Variants in PTBP2 observed in about 807,000 individuals in gnomAD.
PTBP2 encodes polypyrimidine tract binding protein 2, also known as polypyrimidine tract-binding protein 2.
Under a neutral mutation model 61.4 loss-of-function variants are expected in PTBP2, and 13 were observed. That is an observed-to-expected ratio of 0.21 (90% CI 0.14 to 0.34). The LOEUF is 0.34. PTBP2 is among the 10% of genes least tolerant of loss of function. PTBP2 has a pLI of 1.00. For missense variants in PTBP2, 405 were observed against 642.6 expected, an observed-to-expected ratio of 0.63 and a Z score of 4.00; for synonymous variants, 215 against 218.5, an observed-to-expected ratio of 0.98 and a Z score of 0.14.
chr1:96,776,600 A>T (rs1043320357), intron 5 of PTBP2, among the ~76,000 whole-genome samples: 1 of 151,856 alleles, frequency 6.6e-6, no homozygotes, highest in Admixed American at 6.6e-5. Flanking sequence ...GATTTTTCAA[A>T]CTGTAAACCT....
Position 96,806,858 on chromosome 1 carries a change from C to A in PTBP2, c.1079-8C>A. 6.2e-7 allele frequency: 1 copy of A among 1,603,842 alleles called. No homozygotes were observed. On this transcript the variant is annotated splice_region_variant and splice_polypyrimidine_tract_variant and intron_variant, in intron 10 of 13. Coordinates refer to ENST00000674951, the MANE Select transcript of PTBP2 (RefSeq NM_021190.4). ...TTTTTGGATTACCTCTCTGTGGCTC[C>A]AAAAAAGGTGTTTATGGAGATGTGC...
At chr1:96,786,135 A>G (rs1659177496) in intron 8 of PTBP2, among the ~76,000 whole-genome samples, 1 of 152,182 alleles carries the variant, frequency 6.6e-6, no homozygotes, top group African/African-American at 2.4e-5. Context: ...TGTCATTTCA[A>G]AAGAAAAAAT....
At chr1:96,777,970 G>A in intron 7 of PTBP2, 24 bp downstream of exon 7, 1 of 1,360,458 alleles carries the variant, frequency 7.4e-7, no homozygotes, top group African/African-American at 1.5e-5. Context: ...TTGAGATGGT[G>A]ATTTTTTTTT....
downstream of PTBP2, chr1:96,817,297 G>A (rs1315249885): frequency 6.6e-6 from 1 of 151,936 alleles, no homozygotes; most frequent in African/African-American, 2.4e-5. Flanking sequence ...ATCTGAAAAC[G>A]TTTTTTTCAT....
At chr1:96,749,586 C>G (rs968737795) in intron 2 of PTBP2, 2 of 452,502 alleles carry the variant, frequency 4.4e-6, no homozygotes, top group Non-Finnish European at 8.9e-6. Flanking sequence ...ATTTCTCTAT[C>G]CTGTGGGAGG....
At chr1:96,784,415 A>G (rs1285301902) in intron 7 of PTBP2, among the ~76,000 whole-genome samples, 1 of 152,132 alleles carries the variant, frequency 6.6e-6, no homozygotes, top group Admixed American at 6.6e-5. Flanking sequence ...CTAGGCTTTT[A>G]ATTAATCCTA....
At chr1:96,760,721 A>C (rs1040602981) in intron 3 of PTBP2, among the ~76,000 whole-genome samples, 1 of 152,132 alleles carries the variant, frequency 6.6e-6, no homozygotes, top group African/African-American at 2.4e-5. Context: ...CTGGGATTAC[A>C]GGCCTGAGCC....
chr1:96,727,881 C>A (rs1460306915), intron 2 of PTBP2, among the ~76,000 whole-genome samples: 1 of 152,058 alleles, frequency 6.6e-6, no homozygotes, highest in African/African-American at 2.4e-5. Context: ...CTGATGGACT[C>A]CAGTTTACCA....
At chr1:96,805,800 CTT>C (rs1378241469) in intron 9 of PTBP2, among the ~76,000 whole-genome samples, 1 of 152,118 alleles carries the variant, frequency 6.6e-6, no homozygotes, top group East Asian at 1.9e-4. Flanking sequence ...TATTTTAAGA[CTT>C]TTGCCTGCAT....
At chr1:96,783,209 A>G (rs1235676486) in intron 7 of PTBP2, among the ~76,000 whole-genome samples, 2 of 151,920 alleles carry the variant, frequency 1.3e-5, no homozygotes, top group African/African-American at 4.8e-5. Flanking sequence ...ACCTCCTTTA[A>G]CCAACTATTT....
At chr1:96,766,512 A>G (rs1339893255) in intron 3 of PTBP2, among the ~76,000 whole-genome samples, 1 of 152,184 alleles carries the variant, frequency 6.6e-6, no homozygotes, top group Non-Finnish European at 1.5e-5. Flanking sequence ...GAACTGTAAC[A>G]CAGGCAGACC....
chr1:96,731,053 A>G (rs955514648), intron 2 of PTBP2, among the ~76,000 whole-genome samples: 7 of 151,850 alleles, frequency 4.6e-5, no homozygotes, highest in Admixed American at 1.3e-4. Flanking sequence ...TTGTAGATCT[A>G]CCTCATTCTT....
intron 8 of PTBP2, among the ~76,000 whole-genome samples, chr1:96,802,807 A>G (rs1284469294): frequency 2.6e-5 from 4 of 152,240 alleles, no homozygotes; most frequent in East Asian, 1.9e-4. Context: ...AGGCAGGAAA[A>G]TAGAATGATG....
downstream of PTBP2, chr1:96,817,271 T>G (rs1459155315): frequency 1.3e-5 from 2 of 152,062 alleles, no homozygotes. Flanking sequence ...CCTTAATATA[T>G]TAAAATGGAG....
At chr1:96,803,039 G>A (rs115628500) in intron 8 of PTBP2, among the ~76,000 whole-genome samples, 12 of 152,220 alleles carry the variant, frequency 7.9e-5, no homozygotes, top group Non-Finnish European at 1.5e-4. Context: ...ACAAGTGAAC[G>A]TATCCATTGA....
intron 9 of PTBP2, among the ~76,000 whole-genome samples, chr1:96,806,074 T>A (rs191505103): frequency 1.6e-4 from 25 of 152,336 alleles, no homozygotes; most frequent in Non-Finnish European, 2.2e-4. Flanking sequence ...CTTATTTTTT[T>A]CTTCTGCATT....
intron 3 of PTBP2, among the ~76,000 whole-genome samples, chr1:96,767,936 T>C (rs185132923): frequency 6.4e-4 from 98 of 152,218 alleles, no homozygotes; most frequent in Non-Finnish European, 1.1e-3. Flanking sequence ...CTTACTCTTC[T>C]GTACAAAGAC....
downstream of PTBP2, chr1:96,819,012 T>C (rs1023629813): frequency 1.1e-4 from 17 of 152,046 alleles, no homozygotes; most frequent in African/African-American, 3.9e-4. Context: ...TAGCTTATAA[T>C]AGAAATCAGT....
exon 14 of PTBP2, chr1:96,822,805 C>G (rs572459781): frequency 6.6e-6 from 1 of 152,230 alleles, no homozygotes; most frequent in Non-Finnish European, 1.5e-5. Context: ...CCATGCCTCT[C>G]TGTGTGATAA....
Sources: allele counts gnomAD v4.1 joint callset (sites outside exome capture counted in the v4.1 genomes callset), GRCh38; gene constraint gnomAD v4.1.1; transcripts MANE v1.5; gene names NCBI Gene and HGNC (gene_info 2026-07-23, HGNC 2026-07-21).